Variants in SEMA6D observed in about 807,000 individuals in gnomAD.
The protein encoded by SEMA6D is semaphorin-6D.
In SEMA6D, 35 loss-of-function variants were observed where a neutral mutation model predicts 106.6. The ratio of observed to expected loss-of-function variants is 0.33; its 90% CI spans 0.25 to 0.44. The LOEUF is 0.44. SEMA6D is among the 20% of genes least tolerant of loss of function. The pLI is 1.00. For missense variants in SEMA6D, 1,185 were observed against 1,345.9 expected (o/e 0.88, Z 1.87); for synonymous variants, 499 against 487.7 (o/e 1.02, Z -0.31).
At chr15:47,617,997 G>A (rs993674642) in intron 4 of SEMA6D, among the ~76,000 whole-genome samples, 2 of 152,178 alleles carry the variant, frequency 1.3e-5, no homozygotes, top group African/African-American at 4.8e-5. Flanking sequence ...TGATTCTCAA[G>A]GTTAATGCAT....
At chr15:47,246,919 G>A (rs2033239481) in intron 1 of SEMA6D, among the ~76,000 whole-genome samples, 2 of 152,152 alleles carry the variant, frequency 1.3e-5, no homozygotes, top group South Asian at 4.1e-4. Context: ...CTGGGTGTGT[G>A]GCGGCCAAAT....
chr15:47,348,377 A>G (rs1166988467), intron 1 of SEMA6D, among the ~76,000 whole-genome samples: 1 of 152,138 alleles, frequency 6.6e-6, no homozygotes, highest in Non-Finnish European at 1.5e-5. Context: ...TAATGACTTA[A>G]TATATAAAAC....
chr15:47,342,995 G>A lies in SEMA6D; in HGVS notation c.-238-69398G>A, dbSNP rs2037883200. 3.3e-5 allele frequency among the ~76,000 whole-genome samples: 5 copies of A among 152,122 alleles called. 1 individual carries two copies. Among genetic ancestry groups the A allele is most frequent in the Admixed American group, 3.3e-4 (5 of 15,262 alleles). On this transcript the variant is annotated intron_variant, in intron 1 of 19. Coordinates refer to the SEMA6D transcript ENST00000558014. ...CCCAAAGTGCTGGGATTACAGGCAT[G>A]AGCCACTGCGCCCAGCCCTCAAATT...
At chr15:47,204,291 G>A (rs1324367211) in intron 1 of SEMA6D, among the ~76,000 whole-genome samples, 1 of 152,064 alleles carries the variant, frequency 6.6e-6, no homozygotes, top group Non-Finnish European at 1.5e-5. Flanking sequence ...CCACTGTGAG[G>A]TACATAAATG....
intron 3 of SEMA6D, chr15:47,581,214 C>T (rs936229199): frequency 6.7e-5 from 26 of 386,290 alleles, no homozygotes; most frequent in African/African-American, 1.1e-4. Flanking sequence ...CATCTTTTCC[C>T]GTAACGTGTC....
chr15:47,337,272 A>G (rs548355434), intron 1 of SEMA6D, among the ~76,000 whole-genome samples: 6 of 152,264 alleles, frequency 3.9e-5, no homozygotes, highest in South Asian at 4.1e-4. Flanking sequence ...GAATCTAGAC[A>G]TGTTACTCTT....
At chr15:47,242,880 A>G (rs543043645) in intron 1 of SEMA6D, among the ~76,000 whole-genome samples, 1 of 152,264 alleles carries the variant, frequency 6.6e-6, no homozygotes, top group East Asian at 1.9e-4. Flanking sequence ...ATGTATACCT[A>G]CTATGTAAAC....
chr15:47,522,761 G>C (rs1467420007), intron 3 of SEMA6D, among the ~76,000 whole-genome samples: 1 of 152,138 alleles, frequency 6.6e-6, no homozygotes, highest in African/African-American at 2.4e-5. Context: ...TAGAATCAGG[G>C]AAGGAAAGCA....
chr15:47,462,239 C>T (rs530781588), intron 2 of SEMA6D, among the ~76,000 whole-genome samples: 1 of 151,924 alleles, frequency 6.6e-6, no homozygotes, highest in East Asian at 1.9e-4. Flanking sequence ...TTGTTTGGGG[C>T]TATTATTTAA....
intron 1 of SEMA6D, among the ~76,000 whole-genome samples, chr15:47,402,038 CT>C (rs548382103): frequency 6.6e-4 from 100 of 152,276 alleles, no homozygotes; most frequent in Non-Finnish European, 1.3e-3. Context: ...GTTCAGATTA[CT>C]TCCTGAAGGA....
chr15:47,691,414 CAA>C (rs1313035378), intron 4 of SEMA6D, among the ~76,000 whole-genome samples: 1 of 151,972 alleles, frequency 6.6e-6, no homozygotes, highest in Non-Finnish European at 1.5e-5. Flanking sequence ...TCACTGTAGT[CAA>C]AGAGGAGTAC....
At chr15:47,321,316 G>A (rs1206682777) in intron 1 of SEMA6D, among the ~76,000 whole-genome samples, 1 of 152,054 alleles carries the variant, frequency 6.6e-6, no homozygotes, top group African/African-American at 2.4e-5. Context: ...CCCCAGAAAG[G>A]AACACAGTGA....
chr15:47,325,668 C>T (rs939956030), intron 1 of SEMA6D, among the ~76,000 whole-genome samples: 18 of 152,290 alleles, frequency 1.2e-4, no homozygotes, highest in East Asian at 9.7e-4. Flanking sequence ...TCCTTATTGT[C>T]CCTGCTCTCT....
intron 1 of SEMA6D, among the ~76,000 whole-genome samples, chr15:47,228,779 C>G (rs2031987345): frequency 6.6e-6 from 1 of 151,952 alleles, no homozygotes; most frequent in East Asian, 1.9e-4. Context: ...TCTTGGCAGT[C>G]TGAGTTCACT....
intron 3 of SEMA6D, among the ~76,000 whole-genome samples, chr15:47,488,908 G>C (rs1042544983): frequency 9.8e-5 from 15 of 152,326 alleles, no homozygotes; most frequent in African/African-American, 3.4e-4. Context: ...AGAGTAGAGA[G>C]TAATTGAAGA....
chr15:47,710,489 A>G (rs2078995044), intron 4 of SEMA6D, among the ~76,000 whole-genome samples: 1 of 152,230 alleles, frequency 6.6e-6, no homozygotes, highest in Non-Finnish European at 1.5e-5. Flanking sequence ...AATTCAGAAC[A>G]TATTGTGGTA....
intron 1 of SEMA6D, among the ~76,000 whole-genome samples, chr15:47,211,265 C>T (rs2029992382): frequency 6.6e-6 from 1 of 152,112 alleles, no homozygotes; most frequent in South Asian, 2.1e-4. Flanking sequence ...GCCATTTTCA[C>T]ATAACTGTAT....
intron 3 of SEMA6D, among the ~76,000 whole-genome samples, chr15:47,521,082 C>T (rs1262385181): frequency 6.6e-6 from 1 of 152,104 alleles, no homozygotes; most frequent in Non-Finnish European, 1.5e-5. Flanking sequence ...GCTTGGAGGG[C>T]CTTGCTGACA....
At chr15:47,569,136 A>G (rs2046310600) in intron 3 of SEMA6D, among the ~76,000 whole-genome samples, 1 of 152,166 alleles carries the variant, frequency 6.6e-6, no homozygotes, top group Non-Finnish European at 1.5e-5. Context: ...TTTCCAGTAA[A>G]GAAAATATAT....
Sources: allele counts gnomAD v4.1 joint callset (sites outside exome capture counted in the v4.1 genomes callset), GRCh38; gene constraint gnomAD v4.1.1; transcripts MANE v1.5; gene names NCBI Gene and HGNC (gene_info 2026-07-23, HGNC 2026-07-21).